The following NOTCH3 variants were observed in gnomAD, a reference collection of about 807,000 sequenced individuals.
NOTCH3 encodes notch receptor 3, also known as neurogenic locus notch homolog protein 3.
In NOTCH3, 86 loss-of-function variants were observed where a neutral mutation model predicts 213.3. The observed-to-expected ratio is 0.40, with a 90% confidence interval of 0.34 to 0.48. The LOEUF (loss-of-function observed/expected upper bound fraction) is 0.48, where lower values mean the gene tolerates loss of function less well. Among genes scored for constraint, NOTCH3 ranks in the 20% least tolerant of loss-of-function variants. The pLI is 0.57. For missense variants in NOTCH3, 2,783 were observed against 3,272.6 expected, an observed-to-expected ratio of 0.85 and a Z score of 3.65; for synonymous variants, 1,354 against 1,355.9, an observed-to-expected ratio of 1.00 and a Z score of 0.03.
Position 15,181,007 on chromosome 19 carries a change from C to T in NOTCH3, c.2948G>A (p.Gly983Asp). 6.3e-7 allele frequency: 1 copy of T among 1,598,192 alleles called. No homozygotes were observed. The highest frequency in any genetic ancestry group is 8.5e-7 in the Non-Finnish European group (1 of 1,173,506). Residue 983 changes from glycine (G) to aspartate (D), a missense_variant, in exon 18 of 33, where the codon GGC (glycine) becomes GAC (aspartate). By Grantham distance (94) the Gly-to-Asp change is moderately conservative. Transcript: ENST00000263388. ...GCTCTCGAGGCAGGTGCAGCGGAAG[C>T]CAGGGTGGGCGGCGCTGCAGACGCC... ...HGGVCSAAHP[G>D]FRCTCLESFT... is the part of the protein sequence containing the mutation.
Position 15,191,420 on chromosome 19 carries a change from T to C in NOTCH3, c.1036+4A>G. 1 of 1,612,578 alleles carries C rather than the reference T, an allele frequency of 6.2e-7. No homozygotes were observed. ...GGCTCCCTGCAGAGAAAACGGCCAC[T>C]CACCAGTCTTGCCCATGGGGCAGGC... is the stretch of plus-strand genomic sequence containing the variant. On this transcript the variant is annotated splice_donor_region_variant and intron_variant, in intron 6 of 32. Coordinates refer to ENST00000263388, the MANE Select transcript of NOTCH3 (RefSeq NM_000435.3).
At chr19:15,189,549 G>A (rs1357681620) in intron 6 of NOTCH3, 121 bp from the exon 7 acceptor site, 51 of 1,247,856 alleles carry the variant, frequency 4.1e-5, no homozygotes, top group Admixed American at 7.3e-5. Context: ...ACGAAGTTTC[G>A]CTCTTGTTGC....
intron 26 of NOTCH3, 37 bp downstream of exon 26, chr19:15,170,631 GCTC>G: frequency 9.7e-7 from 1 of 1,032,876 alleles, no homozygotes; most frequent in Non-Finnish European, 1.4e-6. Context: ...GCCGCCCCCA[GCTC>G]CGCCCCCGCC....
intron 2 of NOTCH3, among the ~76,000 whole-genome samples, chr19:15,196,154 C>G (rs1207182239): frequency 1.3e-5 from 2 of 151,554 alleles, no homozygotes; most frequent in Non-Finnish European, 3.0e-5. Context: ...GGACTGAGCC[C>G]GCTCCACTCC....
chr19:15,163,445 T>C (rs1357674136), intron 31 of NOTCH3, among the ~76,000 whole-genome samples: 2 of 152,230 alleles, frequency 1.3e-5, no homozygotes, highest in Non-Finnish European at 2.9e-5. Flanking sequence ...TAAATCTTCA[T>C]GACCTTGAAT....
rs1345046384 is a variant in NOTCH3 at position 15,197,489 on chromosome 19, C to T, written c.197+11G>A. On this transcript the variant is annotated intron_variant, in intron 2 of 32. Coordinates refer to ENST00000263388, the MANE Select transcript of NOTCH3 (RefSeq NM_000435.3). ...ACAGGGCCCACTGGTGGCTCTGAGCCAGGCACTCACAGGCAGGCAGCCTCC... is the reference window on the plus strand; with the variant it reads ...ACAGGGCCCACTGGTGGCTCTGAGCTAGGCACTCACAGGCAGGCAGCCTCC... 1 of 1,601,158 alleles carries T rather than the reference C, an allele frequency of 6.2e-7. No individual in the cohort carries two copies. The highest frequency in any genetic ancestry group is 8.5e-7 in the Non-Finnish European group (1 of 1,173,508).
chr19:15,190,037 G>A (rs2046915577), intron 6 of NOTCH3, among the ~76,000 whole-genome samples: 1 of 152,080 alleles, frequency 6.6e-6, no homozygotes, highest in East Asian at 1.9e-4. Flanking sequence ...CACTTTGGGA[G>A]GCCAAGGTGA....
At chr19:15,169,157 T>C (rs927407624) in intron 28 of NOTCH3, among the ~76,000 whole-genome samples, 1 of 150,726 alleles carries the variant, frequency 6.6e-6, no homozygotes, top group East Asian at 2.0e-4. Context: ...ATTGGTATCC[T>C]TACAAGAAGA....
intron 24 of NOTCH3, among the ~76,000 whole-genome samples, chr19:15,175,556 C>CACATATAT (rs771312789): frequency 1.1e-5 from 1 of 90,222 alleles, no homozygotes; most frequent in Admixed American, 1.7e-4. Context: ...AAAAAAAATA[C>CACATATAT]ATATATATAT....
intron 16 of NOTCH3, 77 bp from the exon 17 acceptor site, chr19:15,181,878 T>A: frequency 7.8e-7 from 1 of 1,276,538 alleles, no homozygotes; most frequent in Non-Finnish European, 1.1e-6. Context: ...TGCCTTGGAT[T>A]GAGAAGAATT....
chr19:15,162,245 G>C, intron 32 of NOTCH3: 1 of 559,442 alleles, frequency 1.8e-6, no homozygotes, highest in Non-Finnish European at 3.2e-6. Context: ...ACCTCCCAAA[G>C]TGCTGGGATT....
chr19:15,182,411 A>T (rs1243321297), intron 16 of NOTCH3, among the ~76,000 whole-genome samples: 2 of 151,848 alleles, frequency 1.3e-5, no homozygotes, highest in African/African-American at 4.8e-5. Context: ...GGAGGCTGAG[A>T]CGGGAGGATC....
At chr19:15,180,368 C>A in intron 19 of NOTCH3, 112 bp from the exon 20 acceptor site, 2 of 1,200,474 alleles carry the variant, frequency 1.7e-6, no homozygotes, top group Non-Finnish European at 2.4e-6. Flanking sequence ...AGGATCGCAC[C>A]CACACTCCAT....
intron 2 of NOTCH3, among the ~76,000 whole-genome samples, chr19:15,196,177 C>G (rs1247698158): frequency 6.6e-6 from 1 of 152,104 alleles, no homozygotes; most frequent in Non-Finnish European, 1.5e-5. Context: ...GCGATCCGGG[C>G]TCCGGGCGCC....
In NOTCH3 at chr19:15,185,770, C is replaced by A. The variant is rs1263331012; in HGVS notation, c.1952-91G>T. 1.6e-6 allele frequency: 2 copies of A among 1,260,108 alleles called. No individual in the cohort carries two copies. The allele number at this position is 1,260,108 out of a possible 1,614,324, so 78.1% of individuals were successfully genotyped here. On this transcript the variant is annotated intron_variant, in intron 12 of 32. Coordinates refer to ENST00000263388, the MANE Select transcript of NOTCH3 (RefSeq NM_000435.3). The surrounding 1 kb of genome is among the most constrained non-coding windows in gnomAD (Gnocchi z 4.2). ...GTGACCCCACTTAGCACACCCACAC[C>A]CCCGAGCAATGACCTCTTTTTCATA... is the stretch of plus-strand genomic sequence containing the variant.
rs750517553 is a variant in NOTCH3 at position 15,189,068 on chromosome 19, G to A, written c.1299C>T (p.Asn433=). 1.9e-6 allele frequency: 3 copies of A among 1,613,048 alleles called. No homozygotes were observed. Among genetic ancestry groups the A allele is most frequent in the African/African-American group, 2.7e-5 (2 of 74,954 alleles). The stretch of plus-strand genomic sequence containing the variant: ...TTCGGCAGGGCCCCGACAGACACTC[G>A]TTGACATCGGTCTCACAGCGAGGTC... The part of the protein sequence containing the change: ...YTGPRCETDV[N]ECLSGPCRNQ... The change falls in exon 8 of 33, where the codon AAC becomes AAT. Residue 433 remains asparagine, a synonymous_variant. Transcript: ENST00000263388.
intron 18 of NOTCH3, 36 bp from the exon 19 acceptor site, chr19:15,180,864 T>TG: frequency 6.2e-7 from 1 of 1,609,628 alleles, no homozygotes; most frequent in Admixed American, 1.7e-5. Context: ...TACTGTGGGG[T>TG]GGGGGGTAGT....
rs778849094 is a variant in NOTCH3 at position 15,170,438 on chromosome 19, G to C, written c.5007C>G (p.Arg1669=). The C allele has an allele frequency of 1.2e-6, 2 of 1,611,664 alleles. No homozygotes were observed. Among genetic ancestry groups the C allele is most frequent in the Non-Finnish European group, 1.7e-6 (2 of 1,180,002 alleles). The part of the protein sequence containing the change: ...VLGVMVARRK[R]EHSTLWFPEG... Reference sequence around the variant, plus strand: ...CAGGGAACCAGAGGGTGCTGTGCTCGCGCTTGCGCCGGGCCACCATGACAC... The same window carrying C: ...CAGGGAACCAGAGGGTGCTGTGCTCCCGCTTGCGCCGGGCCACCATGACAC... Residue 1669 remains arginine, a synonymous_variant, in exon 27 of 33, where the codon CGC becomes CGG. Coordinates refer to ENST00000263388, the MANE Select transcript of NOTCH3 (RefSeq NM_000435.3).
intron 1 of NOTCH3, among the ~76,000 whole-genome samples, chr19:15,200,120 A>G (rs1192107669): frequency 6.8e-6 from 1 of 147,482 alleles, no homozygotes; most frequent in Non-Finnish European, 1.5e-5. Context: ...GCCGAAGGGG[A>G]GCACGTGGGC....
Sources: allele counts gnomAD v4.1 joint callset (sites outside exome capture counted in the v4.1 genomes callset), GRCh38; gene constraint gnomAD v4.1.1; non-coding constraint Gnocchi (gnomAD v3.1); transcripts MANE v1.5; gene names NCBI Gene and HGNC (gene_info 2026-07-23, HGNC 2026-07-21).